CTR9: variants seen among roughly 807,000 people sequenced by gnomAD.
The protein encoded by CTR9 is RNA polymerase-associated protein CTR9 homolog.
CTR9 carries 41 observed loss-of-function variants against 152.1 expected under a neutral mutation model. The observed-to-expected ratio is 0.27, with a 90% confidence interval of 0.21 to 0.35. CTR9 has a LOEUF of 0.35. CTR9 is among the 10% of genes least tolerant of loss of function. The pLI is 1.00. For missense variants in CTR9, 917 were observed against 1,424.4 expected (o/e 0.64, Z 5.73); for synonymous variants, 476 against 496.2 (o/e 0.96, Z 0.54).
chr11:10,769,900 G>C (rs1000569032), intron 16 of CTR9, among the ~76,000 whole-genome samples: 2 of 152,190 alleles, frequency 1.3e-5, no homozygotes, highest in African/African-American at 2.4e-5. Flanking sequence ...GCTGATTCTA[G>C]ATAGTATTGC....
intron 18 of CTR9, 120 bp downstream of exon 18, chr11:10,770,752 A>C (rs1863130872): frequency 3.2e-6 from 3 of 929,172 alleles, no homozygotes; most frequent in Non-Finnish European, 4.6e-6. Context: ...CAAGCTGCTG[A>C]AAATCACTTC....
chr11:10,768,940 A>AT (rs1201966453), intron 16 of CTR9, among the ~76,000 whole-genome samples: 1 of 152,204 alleles, frequency 6.6e-6, no homozygotes, highest in Admixed American at 6.5e-5. Flanking sequence ...CAGGCCAGGC[A>AT]TGGTGGCTTA....
At chr11:10,775,153 G>C in intron 22 of CTR9, 54 bp from the exon 23 acceptor site, 1 of 1,417,946 alleles carries the variant, frequency 7.1e-7, no homozygotes. Context: ...AAAGTAGTCT[G>C]GAACTTTATA....
At chr11:10,752,576 T>A (rs1375973009) in intron 1 of CTR9, 96 bp from the exon 2 acceptor site, 4 of 809,922 alleles carry the variant, frequency 4.9e-6, no homozygotes, top group Non-Finnish European at 8.6e-6. Flanking sequence ...ACGTACTCTA[T>A]GTATATGCAT....
chr11:10,770,777 C>A (rs1863131438), intron 18 of CTR9, 145 bp downstream of exon 18: 1 of 740,496 alleles, frequency 1.4e-6, no homozygotes, highest in Non-Finnish European at 2.0e-6. Context: ...TAAAGGTGGT[C>A]TATTAGAATC....
Position 10,757,586 on chromosome 11 carries a change from A to G in CTR9, c.592+748A>G, listed in dbSNP as rs543504629. On this transcript the variant is annotated intron_variant, in intron 5 of 24. Transcript: ENST00000361367. ...GAGCCAAGACCCTGTCTCAAGAAAA[A>G]AAAAGTCTGGATAGTAGATTATAAT... 1.0e-3 allele frequency among the ~76,000 whole-genome samples: 155 copies of G among 152,328 alleles called. 1 individual carries two copies. The highest frequency in any genetic ancestry group is 3.5e-3 in the African/African-American group (145 of 41,580).
At chr11:10,778,640 C>G (rs757215748) in intron 24 of CTR9, 39 bp from the exon 25 acceptor site, 5 of 1,577,504 alleles carry the variant, frequency 3.2e-6, no homozygotes, top group Non-Finnish European at 4.3e-6. Context: ...CCCAGTTAGC[C>G]AGAATCCTCA....
At chr11:10,759,244 T>C (rs1247719306) in intron 5 of CTR9, among the ~76,000 whole-genome samples, 1 of 151,922 alleles carries the variant, frequency 6.6e-6, no homozygotes, top group African/African-American at 2.4e-5. Flanking sequence ...TAGCCAGAGG[T>C]ATAGGAGGAA....
At chr11:10,778,652 C>G in intron 24 of CTR9, 27 bp from the exon 25 acceptor site, 1 of 1,595,716 alleles carries the variant, frequency 6.3e-7, no homozygotes, top group Non-Finnish European at 8.6e-7. Context: ...GAATCCTCAG[C>G]TTCTAACCAA....
At chr11:10,763,026 G>A (rs768993462) in intron 7 of CTR9, among the ~76,000 whole-genome samples, 7 of 150,872 alleles carry the variant, frequency 4.6e-5, no homozygotes, top group Non-Finnish European at 8.9e-5. Flanking sequence ...AAAAAAGTGC[G>A]CTTTATGTAT....
chr11:10,765,459 T>G (rs969304827), intron 12 of CTR9, among the ~76,000 whole-genome samples: 1 of 152,058 alleles, frequency 6.6e-6, no homozygotes, highest in African/African-American at 2.4e-5. Flanking sequence ...GTTTTTTGTT[T>G]TTTTGTTTTG....
Position 10,773,855 on chromosome 11 carries a change from C to A in CTR9, c.2728-157C>A, listed in dbSNP as rs1053917450. Among the ~76,000 whole-genome samples the A allele has an allele frequency of 2.7e-5, 4 of 145,718 alleles. No individual in the cohort carries two copies. The East Asian group carries it at 8.2e-4, about 30-fold the overall frequency. ...AGCCGAGATTGCCCCACTGCACTCT[C>A]GCCTGGGCAAAAGAGTGAGACTTCA... On this transcript the variant is annotated intron_variant, in intron 21 of 24. Transcript: ENST00000361367.
intron 18 of CTR9, among the ~76,000 whole-genome samples, chr11:10,771,192 T>A (rs1863138022): frequency 6.6e-6 from 1 of 152,232 alleles, no homozygotes. Flanking sequence ...TTGTCCAACT[T>A]AATATTTTTA....
intron 12 of CTR9, 128 bp from the exon 13 acceptor site, chr11:10,766,274 C>T: frequency 1.5e-6 from 1 of 680,056 alleles, no homozygotes; most frequent in Non-Finnish European, 2.5e-6. Flanking sequence ...ATTTTTTCAC[C>T]TTTGGGACTT....
chr11:10,754,331 T>TA (rs2135355109), intron 2 of CTR9, among the ~76,000 whole-genome samples: 1 of 152,368 alleles, frequency 6.6e-6, no homozygotes, highest in South Asian at 2.1e-4. Flanking sequence ...AGGCTCTACT[T>TA]ATCTGAAAAT....
chr11:10,760,086 C>G, intron 5 of CTR9, 87 bp from the exon 6 acceptor site: 1 of 1,465,842 alleles, frequency 6.8e-7, no homozygotes, highest in Non-Finnish European at 9.4e-7. Flanking sequence ...GATTTTGCAA[C>G]TCATAAATAG....
At chr11:10,759,192 A>G (rs546249323) in intron 5 of CTR9, among the ~76,000 whole-genome samples, 8 of 152,350 alleles carry the variant, frequency 5.3e-5, no homozygotes, top group African/African-American at 1.7e-4. Context: ...TTAAGAGATT[A>G]GGGAAATGAG....
intron 2 of CTR9, 36 bp downstream of exon 2, chr11:10,752,806 G>A (rs938268850): frequency 6.6e-7 from 1 of 1,511,620 alleles, no homozygotes; most frequent in Non-Finnish European, 9.2e-7. Context: ...TTTATTTGTT[G>A]ACTAGGAAAA....
Position 10,778,989 on chromosome 11 carries a change from A to G in CTR9, c.3406A>G (p.Arg1136Gly). 1 of 1,614,156 alleles carries G rather than the reference A, an allele frequency of 6.2e-7. No individual in the cohort carries two copies. The highest frequency in any genetic ancestry group is 8.5e-7 in the Non-Finnish European group (1 of 1,180,044). Reference protein sequence around the residue: ...PSAESDHESERGSDNEGSGQG... With the variant: ...PSAESDHESEGGSDNEGSGQG... Reference sequence around the variant, plus strand: ...TGCCGAATCAGATCACGAATCGGAGAGAGGATCTGATAATGAGGGTTCTGG... The same window carrying G: ...TGCCGAATCAGATCACGAATCGGAGGGAGGATCTGATAATGAGGGTTCTGG... The change falls in exon 25 of 25, where the codon AGA (arginine) becomes GGA (glycine). Residue 1136 changes from arginine to glycine, a missense_variant. Physicochemically the swap from Arg to Gly is moderately radical, Grantham distance 125 (BLOSUM62 -2). Transcript: ENST00000361367.
Sources: allele counts gnomAD v4.1 joint callset (sites outside exome capture counted in the v4.1 genomes callset), GRCh38; gene constraint gnomAD v4.1.1; transcripts MANE v1.5; gene names NCBI Gene and HGNC (gene_info 2026-07-23, HGNC 2026-07-21).